TTC6: variants seen among roughly 807,000 people sequenced by gnomAD.
TTC6 encodes tetratricopeptide repeat protein 6.
In TTC6, 172 loss-of-function variants were observed where a neutral mutation model predicts 210.4. That is an observed-to-expected ratio of 0.82 (90% CI 0.72 to 0.93). The LOEUF (loss-of-function observed/expected upper bound fraction) is 0.93, where lower values mean the gene tolerates loss of function less well. Ranked by LOEUF, TTC6 falls within the 40% of genes least tolerant of loss-of-function variation. TTC6 has a pLI of 0.00. For synonymous variants in TTC6, 804 were observed against 819.6 expected (o/e 0.98, Z 0.32); for missense variants, 2,414 against 2,318.1 (o/e 1.04, Z -0.85).
chr14:37,815,239 C>A (rs2096138640), intron 25 of TTC6, among the ~76,000 whole-genome samples: 1 of 152,082 alleles, frequency 6.6e-6, no homozygotes, highest in Non-Finnish European at 1.5e-5. Flanking sequence ...GAAATAGAGA[C>A]TGAAACAAAC....
intron 17 of TTC6, among the ~76,000 whole-genome samples, chr14:37,792,799 T>A (rs1236526154): frequency 2.6e-5 from 4 of 151,532 alleles, no homozygotes; most frequent in Non-Finnish European, 5.9e-5. Flanking sequence ...TGTGTGTGTG[T>A]GTGTGTGTGT....
chr14:37,757,802 G>T (rs953747056), intron 14 of TTC6, among the ~76,000 whole-genome samples: 3 of 152,046 alleles, frequency 2.0e-5, no homozygotes, highest in Non-Finnish European at 4.4e-5. Flanking sequence ...GATTGTTCCT[G>T]CTTTCTCTTG....
intron 1 of TTC6, among the ~76,000 whole-genome samples, chr14:37,678,858 A>G (rs1248245001): frequency 2.6e-5 from 4 of 152,148 alleles, no homozygotes; most frequent in Non-Finnish European, 5.9e-5. Context: ...TAAGAGTTTT[A>G]AGGTACAATG....
At chr14:37,608,070 G>A (rs1042363084) in intron 2 of TTC6, among the ~76,000 whole-genome samples, 1 of 152,102 alleles carries the variant, frequency 6.6e-6, no homozygotes, top group African/African-American at 2.4e-5. Flanking sequence ...TTTTGGAACT[G>A]CCATTCACAC....
At chr14:37,676,925 A>C (rs918978127) in intron 1 of TTC6, among the ~76,000 whole-genome samples, 1 of 152,036 alleles carries the variant, frequency 6.6e-6, no homozygotes, top group African/African-American at 2.4e-5. Context: ...CTAGATGTCT[A>C]TCCTTATGCT....
chr14:37,815,391 G>A (rs964784800), intron 25 of TTC6, among the ~76,000 whole-genome samples: 3 of 152,234 alleles, frequency 2.0e-5, no homozygotes, highest in East Asian at 1.9e-4. Flanking sequence ...TTCCACCTCC[G>A]ATCATGGGGC....
chr14:37,721,396 G>A (rs2095861542), intron 6 of TTC6, among the ~76,000 whole-genome samples: 1 of 152,108 alleles, frequency 6.6e-6, no homozygotes, highest in African/African-American at 2.4e-5. Flanking sequence ...AAAATTGTCA[G>A]AAAAGTTCTT....
At chr14:37,806,814 C>T (rs550558272) in intron 22 of TTC6, among the ~76,000 whole-genome samples, 1 of 152,168 alleles carries the variant, frequency 6.6e-6, no homozygotes, top group East Asian at 1.9e-4. Flanking sequence ...TTTGATGTTA[C>T]ATAGATTCCT....
chr14:37,669,339 C>T (rs1363429748), intron 1 of TTC6, among the ~76,000 whole-genome samples: 1 of 152,114 alleles, frequency 6.6e-6, no homozygotes, highest in Non-Finnish European at 1.5e-5. Context: ...TGTTTGAGTA[C>T]AGTAAGTGGC....
chr14:37,616,581 C>T (rs1271264170), intron 2 of TTC6, among the ~76,000 whole-genome samples: 1 of 152,008 alleles, frequency 6.6e-6, no homozygotes, highest in Non-Finnish European at 1.5e-5. Context: ...TCTGTAGTCC[C>T]AGCTACTCAG....
chr14:37,656,514 CGTGTGTGTGT>C (rs35073797), intron 1 of TTC6, among the ~76,000 whole-genome samples: 19 of 147,800 alleles, frequency 1.3e-4, no homozygotes, highest in Admixed American at 5.4e-4. Context: ...TGTGTGTGTG[CGTGTGTGTGT>C]GTGTGTGTGT....
rs1364374929 is a variant in TTC6 at position 37,623,006 on chromosome 14, AG to A, written c.939+5del. ...AGAACTACGACATTACAATGGAAGT[AG>A]GTGAACCAAAACAAGAGTAACATTT... On this transcript the variant is annotated splice_donor_region_variant and intron_variant, in intron 1 of 30. Coordinates refer to ENST00000553443, the Ensembl canonical transcript of TTC6. 15 of 1,456,758 alleles carry A rather than the reference AG, an allele frequency of 1.0e-5. No homozygotes were observed. In the Admixed American group the frequency reaches 2.5e-4, roughly 24 times the overall value. The allele number at this position is 1,456,758 out of a possible 1,614,324, so 90.2% of individuals were successfully genotyped here.
intron 5 of TTC6, among the ~76,000 whole-genome samples, chr14:37,710,432 TTC>T (rs1273572068): frequency 3.3e-5 from 5 of 152,100 alleles, no homozygotes; most frequent in Admixed American, 6.6e-5. Flanking sequence ...ACAAATATAT[TTC>T]TCTCTCTGGC....
intron 1 of TTC6, among the ~76,000 whole-genome samples, chr14:37,636,402 A>G (rs182217042): frequency 1.3e-5 from 2 of 152,340 alleles, no homozygotes; most frequent in East Asian, 3.9e-4. Context: ...ATCTAAAAGA[A>G]TTGAAACTAT....
At chr14:37,693,631 C>T (rs1236855060) in intron 3 of TTC6, among the ~76,000 whole-genome samples, 1 of 151,756 alleles carries the variant, frequency 6.6e-6, no homozygotes, top group Admixed American at 6.6e-5. Context: ...AAAAAACAAA[C>T]CCCAAACAAA....
intron 14 of TTC6, among the ~76,000 whole-genome samples, chr14:37,771,270 C>T (rs1417559076): frequency 6.6e-6 from 1 of 152,028 alleles, no homozygotes; most frequent in East Asian, 1.9e-4. Context: ...GTGAATCTGA[C>T]AATTATGTGT....
chr14:37,738,985 A>G (rs1382003993), exon 10 of TTC6: 1 of 1,535,582 alleles, frequency 6.5e-7, no homozygotes, highest in South Asian at 1.2e-5. Flanking sequence ...TGTGCGAAAA[A>G]CACAGTTTGA....
At chr14:37,642,143 G>C (rs1043718541) in intron 1 of TTC6, among the ~76,000 whole-genome samples, 2 of 152,154 alleles carry the variant, frequency 1.3e-5, no homozygotes, top group Admixed American at 1.3e-4. Context: ...TTTGGTGGGA[G>C]GACCATTACA....
chr14:37,786,280 C>T (rs761256946), intron 14 of TTC6, among the ~76,000 whole-genome samples: 11 of 152,196 alleles, frequency 7.2e-5, no homozygotes, highest in Non-Finnish European at 1.6e-4. Flanking sequence ...CCACCCAGTT[C>T]GAGTTTCCCA....
Sources: allele counts gnomAD v4.1 joint callset (sites outside exome capture counted in the v4.1 genomes callset), GRCh38; gene constraint gnomAD v4.1.1; transcripts MANE v1.5; gene names NCBI Gene and HGNC (gene_info 2026-07-23, HGNC 2026-07-21).